Variants in MCM10 observed in about 807,000 individuals in gnomAD.
MCM10 encodes minichromosome maintenance 10 replication initiation factor, also known as protein MCM10 homolog.
A neutral mutation model predicts 109.9 loss-of-function variants in MCM10; 91 were observed. That is an observed-to-expected ratio of 0.83 (90% CI 0.70 to 0.99). The LOEUF (loss-of-function observed/expected upper bound fraction) is 0.99, where lower values mean the gene tolerates loss of function less well. MCM10 is among the 50% of genes least tolerant of loss of function. The pLI, the probability that MCM10 is intolerant of heterozygous loss-of-function variation, is 0.00. For missense variants in MCM10, 1,077 were observed against 1,061.2 expected, an observed-to-expected ratio of 1.01 and a Z score of -0.21; for synonymous variants, 380 against 387.2, an observed-to-expected ratio of 0.98 and a Z score of 0.22.
At chr10:13,180,101 A>G (rs1257940755) in intron 6 of MCM10, among the ~76,000 whole-genome samples, 1 of 152,130 alleles carries the variant, frequency 6.6e-6, no homozygotes, top group Non-Finnish European at 1.5e-5. Context: ...TAAAAATACA[A>G]ACATTAGCAC....
rs777105319 is a variant in MCM10, at chr10:13,171,246, C to A, written c.332C>A (p.Thr111Lys). 5.0e-6 allele frequency: 8 copies of A among 1,609,586 alleles called. No individual in the cohort carries two copies. Among genetic ancestry groups the A allele is most frequent in the Non-Finnish European group, 6.8e-6 (8 of 1,177,930 alleles). Residue 111 changes from threonine (T) to lysine (K), a missense_variant, in exon 3 of 20, where the codon ACG becomes AAG. Physicochemically the swap from Thr to Lys is moderately conservative, Grantham distance 78. Transcript: ENST00000378714. ...LPAPAPRREK[T>K]NEELQEELRN... ...GCTCCTGCCCCCAGGCGAGAGAAAA[C>A]GAATGAAGAGTTGCAAGGTGCCCTA...
In MCM10 at chr10:13,183,050, G is replaced by A. The variant is rs199940802; in HGVS notation, c.1048G>A (p.Val350Ile). The change falls in exon 8 of 20, where the codon GTA (valine) becomes ATA (isoleucine). Residue 350 changes from valine (V) to isoleucine (I), a missense_variant. Val to Ile is a conservative substitution (Grantham distance 29, BLOSUM62 3). Coordinates refer to ENST00000378714, the MANE Select transcript of MCM10 (RefSeq NM_018518.5). ...CTGGAAGACGGAGCAGGGGACTGTC[G>A]TAGGGATCCTCAATGCCAACCCCAT... ...ALWKTEQGTV[V>I]GILNANPMKP... 5.1e-5 allele frequency: 83 copies of A among 1,614,174 alleles called. No individual in the cohort carries two copies. Among genetic ancestry groups the A allele is most frequent in the Admixed American group, 1.2e-4 (7 of 60,028 alleles).
chr10:13,191,503 G>A, intron 11 of MCM10, 104 bp downstream of exon 11: 3 of 800,178 alleles, frequency 3.7e-6, no homozygotes, highest in South Asian at 1.6e-5. Context: ...TCCGGTGATG[G>A]GTACACCAAA....
Position 13,209,147 on chromosome 10 carries a change from G to A in MCM10, c.2541+14G>A, listed in dbSNP as rs201354633. The A allele has an allele frequency of 3.9e-5, 62 of 1,609,100 alleles. No homozygotes were observed. Among genetic ancestry groups the A allele is most frequent in the East Asian group, 6.7e-5 (3 of 44,882 alleles). ...GGAATGCTAAAGGTATGCCATTTGC[G>A]TACTAATTTTTGACTCCTTTTAGTG... On this transcript the variant is annotated intron_variant, in intron 19 of 19. Transcript: ENST00000378714.
In MCM10 at chr10:13,171,088, G is replaced by C. The variant is rs567096365; in HGVS notation, c.174G>C (p.Glu58Asp). 99 of 1,614,202 alleles carry C rather than the reference G, an allele frequency of 6.1e-5. 1 individual carries two copies. The South Asian group carries it at 1.1e-3, about 18-fold the overall frequency. Reference protein sequence around the residue: ...ADGDGESYTEEADDGETGETR... With the variant: ...ADGDGESYTEDADDGETGETR... ...GCGACGGTGAATCTTATACAGAAGA[G>C]GCTGATGATGGAGAAACAGGAGAGA... The change falls in exon 3 of 20, where the codon GAG becomes GAC. Residue 58 changes from glutamate to aspartate, a missense_variant. Glu to Asp is a conservative substitution (Grantham distance 45). Coordinates refer to ENST00000378714, the MANE Select transcript of MCM10 (RefSeq NM_018518.5).
At chr10:13,190,148 C>T (rs1345860881) in intron 10 of MCM10, among the ~76,000 whole-genome samples, 1 of 152,078 alleles carries the variant, frequency 6.6e-6, no homozygotes, top group Non-Finnish European at 1.5e-5. Flanking sequence ...GGACTTGGCA[C>T]GAGGCAGCTA....
chr10:13,186,122 A>G (rs1217274753), intron 8 of MCM10, 42 bp from the exon 9 acceptor site: 4 of 1,124,940 alleles, frequency 3.6e-6, no homozygotes, highest in South Asian at 1.3e-5. Flanking sequence ...AAAAGGCCAT[A>G]ATTTTGTCCG....
intron 6 of MCM10, among the ~76,000 whole-genome samples, chr10:13,176,710 A>G (rs777207583): frequency 1.1e-4 from 17 of 152,172 alleles, no homozygotes; most frequent in Admixed American, 1.0e-3. Flanking sequence ...TAGCTGGGGT[A>G]ACATAGTGAG....
At chr10:13,207,792 C>T (rs551159033) in intron 18 of MCM10, among the ~76,000 whole-genome samples, 2 of 152,164 alleles carry the variant, frequency 1.3e-5, no homozygotes, top group Non-Finnish European at 2.9e-5. Flanking sequence ...GTCCATTAAA[C>T]TTCTTTCCTT....
intron 17 of MCM10, chr10:13,201,823 C>T: frequency 3.2e-6 from 1 of 317,168 alleles, no homozygotes; most frequent in Non-Finnish European, 5.9e-6. Context: ...GTCCGCGTGG[C>T]TCTGACTGCT....
intron 6 of MCM10, among the ~76,000 whole-genome samples, chr10:13,176,406 G>T (rs1418760996): frequency 6.6e-6 from 1 of 151,898 alleles, no homozygotes; most frequent in Non-Finnish European, 1.5e-5. Flanking sequence ...ATTACATCTG[G>T]ATAATCCCAG....
chr10:13,192,167 A>G (rs1834355833), intron 11 of MCM10, 88 bp from the exon 12 acceptor site: 3 of 784,412 alleles, frequency 3.8e-6, no homozygotes, highest in African/African-American at 3.4e-5. Context: ...GACTAAAATT[A>G]CAAGTGCAGA....
intron 13 of MCM10, 95 bp from the exon 14 acceptor site, chr10:13,194,946 G>C: frequency 9.2e-7 from 1 of 1,087,820 alleles, no homozygotes; most frequent in Non-Finnish European, 1.3e-6. Context: ...GCTCCCAACT[G>C]GTGGCCTGCC....
At chr10:13,164,238 G>C (rs776444959) in intron 2 of MCM10, 29 bp downstream of exon 2, 30 of 1,584,530 alleles carry the variant, frequency 1.9e-5, no homozygotes, top group Non-Finnish European at 2.5e-5. Flanking sequence ...CTGTTACTCT[G>C]TTTCAAGGAA....
intron 13 of MCM10, 152 bp downstream of exon 13, chr10:13,192,720 G>A (rs1834365298): frequency 3.0e-6 from 2 of 676,028 alleles, no homozygotes; most frequent in Admixed American, 2.6e-5. Flanking sequence ...AACCTGAATA[G>A]CATTTAAGGC....
chr10:13,179,616 A>G (rs978551821), intron 6 of MCM10, among the ~76,000 whole-genome samples: 1 of 152,230 alleles, frequency 6.6e-6, no homozygotes, highest in African/African-American at 2.4e-5. Flanking sequence ...GCTATCAAAG[A>G]TGAAACAAAT....
rs755584100 is a variant in MCM10, at chr10:13,197,697, A to T, written c.2049A>T (p.Lys683Asn). Residue 683 changes from lysine (K) to asparagine (N), a missense_variant, in exon 15 of 20, where the codon AAA becomes AAT. Lys to Asn is a moderately conservative substitution (Grantham distance 94). Transcript: ENST00000378714. ...CAAACCCAAACAGCATTAAGAAGAA[A>T]CAAAAGGACCCTCAGGACATCCTGG... ...TKTNPNSIKKKQKDPQDILEV... is the reference protein window; with the variant it reads ...TKTNPNSIKKNQKDPQDILEV... 20 of 1,614,010 alleles carry T rather than the reference A, an allele frequency of 1.2e-5. No homozygotes were observed. The highest frequency in any genetic ancestry group is 1.7e-5 in the Non-Finnish European group (20 of 1,180,028).
intron 16 of MCM10, among the ~76,000 whole-genome samples, chr10:13,199,137 C>G (rs921165575): frequency 6.6e-6 from 1 of 152,228 alleles, no homozygotes; most frequent in African/African-American, 2.4e-5. Flanking sequence ...CTCAAGTGAT[C>G]CTCCAGCCTT....
At chr10:13,199,843 G>A (rs1023368871) in intron 16 of MCM10, among the ~76,000 whole-genome samples, 1 of 152,104 alleles carries the variant, frequency 6.6e-6, no homozygotes. Context: ...ATAATGTAGG[G>A]GTTTTGTCAG....
Sources: gnomAD v4.1 joint callset for allele counts (sites outside exome capture counted in the v4.1 genomes callset) on GRCh38, gnomAD v4.1.1 for gene constraint, MANE v1.5 for transcripts, NCBI Gene and HGNC (gene_info 2026-07-23, HGNC 2026-07-21) for gene names.